PPP1R9A: variants seen among roughly 807,000 people sequenced by gnomAD.
The protein encoded by PPP1R9A is neurabin-1.
PPP1R9A carries 59 observed loss-of-function variants against 141.9 expected under a neutral mutation model. That is an observed-to-expected ratio of 0.42 (90% CI 0.34 to 0.52). The LOEUF (loss-of-function observed/expected upper bound fraction) is 0.52, where lower values mean the gene tolerates loss of function less well. Among genes scored for constraint, PPP1R9A ranks in the 20% least tolerant of loss-of-function variants. The pLI, the probability that PPP1R9A is intolerant of heterozygous loss-of-function variation, is 0.10. For synonymous variants in PPP1R9A, 500 were observed against 569.7 expected (o/e 0.88, Z 1.74); for missense variants, 1,444 against 1,611.9 (o/e 0.90, Z 1.78).
rs1791367444 is a variant in PPP1R9A, at chr7:94,910,851, T to G, written c.738T>G (p.Leu246=). 6.2e-7 allele frequency: 1 copy of G among 1,613,928 alleles called. No individual in the cohort carries two copies. Among genetic ancestry groups the G allele is most frequent in the Non-Finnish European group, 8.5e-7 (1 of 1,180,022 alleles). The part of the protein sequence containing the change: ...LNLPSVTVTN[L]DTFGHLKDSN... ...TACCATCTGTTACTGTTACAAATCT[T>G]GACACATTTGGTCACCTGAAGGATT... Residue 246 remains leucine, a synonymous_variant, in exon 2 of 20, where the codon CTT becomes CTG. Transcript: ENST00000433360. This position sits in a 1 kb window ranked among gnomAD's most constrained non-coding sequence, Gnocchi z 4.5.
At chr7:95,207,154 T>C (rs988178708) in intron 7 of PPP1R9A, among the ~76,000 whole-genome samples, 1 of 150,644 alleles carries the variant, frequency 6.6e-6, no homozygotes, top group African/African-American at 2.4e-5. Flanking sequence ...GGTTTCAAGG[T>C]ACAAAGTTCG....
intron 2 of PPP1R9A, among the ~76,000 whole-genome samples, chr7:94,984,333 A>T (rs938142337): frequency 1.3e-5 from 2 of 152,036 alleles, no homozygotes; most frequent in East Asian, 3.9e-4. Flanking sequence ...TATCAGGGTG[A>T]TGTTTGCCTC....
chr7:95,045,440 C>G (rs150103038), intron 2 of PPP1R9A, among the ~76,000 whole-genome samples: 1 of 152,136 alleles, frequency 6.6e-6, no homozygotes, highest in South Asian at 2.1e-4. Flanking sequence ...GCCTGCTAAC[C>G]CTTGGGAGGT....
chr7:95,245,049 G>A (rs1315292305), intron 8 of PPP1R9A, among the ~76,000 whole-genome samples: 1 of 152,178 alleles, frequency 6.6e-6, no homozygotes, highest in African/African-American at 2.4e-5. Flanking sequence ...GAAAGAACAA[G>A]AAGTATATCT....
intron 2 of PPP1R9A, among the ~76,000 whole-genome samples, chr7:95,029,149 G>A (rs898188957): frequency 1.3e-5 from 2 of 152,112 alleles, no homozygotes; most frequent in African/African-American, 2.4e-5. Context: ...CAGAGGCCGC[G>A]TATATTCTTT....
chr7:95,102,420 G>A (rs1480579626), intron 2 of PPP1R9A, among the ~76,000 whole-genome samples: 1 of 152,128 alleles, frequency 6.6e-6, no homozygotes, highest in Non-Finnish European at 1.5e-5. Flanking sequence ...TTTTGATTAG[G>A]TTTCAGAGTC....
intron 2 of PPP1R9A, among the ~76,000 whole-genome samples, chr7:94,928,854 A>G (rs965250640): frequency 6.6e-6 from 1 of 152,194 alleles, no homozygotes; most frequent in Non-Finnish European, 1.5e-5. Context: ...TTCAACAAAT[A>G]TCTAAAAAGA....
chr7:95,189,433 CTTTTTTTTT>C (rs1195484637), intron 5 of PPP1R9A, among the ~76,000 whole-genome samples: 2 of 116,232 alleles, frequency 1.7e-5, no homozygotes, highest in Non-Finnish European at 3.5e-5. Context: ...TTTGTTTATT[CTTTTTTTTT>C]TTTTTTTTTT....
chr7:94,916,924 C>A (rs941430431), intron 2 of PPP1R9A, among the ~76,000 whole-genome samples: 1 of 152,098 alleles, frequency 6.6e-6, no homozygotes, highest in Non-Finnish European at 1.5e-5. Context: ...AAGAGATTCT[C>A]AGGCCTCAGC....
chr7:95,181,168 A>G (rs185594689), intron 5 of PPP1R9A, among the ~76,000 whole-genome samples: 130 of 147,522 alleles, frequency 8.8e-4, no homozygotes, highest in Non-Finnish European at 1.4e-3. Context: ...TGTGATATAT[A>G]TATAGATATA....
chr7:95,137,434 AAAAAG>A (rs1429172790), intron 4 of PPP1R9A, among the ~76,000 whole-genome samples: 17 of 151,112 alleles, frequency 1.1e-4, no homozygotes, highest in Admixed American at 9.2e-4. Flanking sequence ...AAAAAAAAAA[AAAAAG>A]ATGCAAGTCT....
chr7:94,930,010 G>A (rs1402642392), intron 2 of PPP1R9A, among the ~76,000 whole-genome samples: 1 of 152,182 alleles, frequency 6.6e-6, no homozygotes, highest in Non-Finnish European at 1.5e-5. Flanking sequence ...CAGATGCTCA[G>A]CAAATGAGAG....
chr7:95,281,108 G>GAAAGCAT (rs1364594950), intron 16 of PPP1R9A, among the ~76,000 whole-genome samples: 1 of 152,130 alleles, frequency 6.6e-6, no homozygotes, highest in Non-Finnish European at 1.5e-5. Context: ...TCCGAGAAAT[G>GAAAGCAT]AAAGCATACC....
intron 2 of PPP1R9A, among the ~76,000 whole-genome samples, chr7:94,963,494 T>G (rs552983024): frequency 6.6e-6 from 1 of 152,260 alleles, no homozygotes; most frequent in Non-Finnish European, 1.5e-5. Flanking sequence ...AATCATATGT[T>G]TTTTTCTGGA....
chr7:95,059,422 T>C (rs1416069491), intron 2 of PPP1R9A, among the ~76,000 whole-genome samples: 1 of 152,192 alleles, frequency 6.6e-6, no homozygotes, highest in Non-Finnish European at 1.5e-5. Flanking sequence ...TTTTTCTTTA[T>C]TCACATTTTA....
chr7:95,194,331 C>T (rs1026918925), intron 5 of PPP1R9A, among the ~76,000 whole-genome samples: 2 of 151,890 alleles, frequency 1.3e-5, no homozygotes, highest in Admixed American at 6.6e-5. Flanking sequence ...CATAATATTG[C>T]TAAATAAAAT....
chr7:94,977,559 G>A (rs1206309584), intron 2 of PPP1R9A, among the ~76,000 whole-genome samples: 1 of 152,116 alleles, frequency 6.6e-6, no homozygotes, highest in Non-Finnish European at 1.5e-5. Flanking sequence ...CTTGAATGGG[G>A]TGAGTTCAGG....
chr7:95,205,389 A>C (rs150955628), intron 7 of PPP1R9A, among the ~76,000 whole-genome samples: 1 of 152,368 alleles, frequency 6.6e-6, no homozygotes, highest in African/African-American at 2.4e-5. Context: ...CCCTAGAAAC[A>C]ATGCTAGAAC....
chr7:95,011,249 C>A (rs1804376605), intron 2 of PPP1R9A, among the ~76,000 whole-genome samples: 2 of 152,064 alleles, frequency 1.3e-5, no homozygotes, highest in African/African-American at 4.8e-5. Context: ...CTTTCTTTCA[C>A]AAGGTTGATT....
Sources: gnomAD v4.1 joint callset for allele counts (sites outside exome capture counted in the v4.1 genomes callset) on GRCh38, gnomAD v4.1.1 for gene constraint, Gnocchi (gnomAD v3.1) non-coding constraint, MANE v1.5 for transcripts, NCBI Gene and HGNC (gene_info 2026-07-23, HGNC 2026-07-21) for gene names.